Variants in ZFPM2 observed in about 807,000 individuals in gnomAD.
The protein encoded by ZFPM2 is zinc finger protein, FOG family member 2.
A neutral mutation model predicts 98.6 loss-of-function variants in ZFPM2; 20 were observed. That is an observed-to-expected ratio of 0.20 (90% CI 0.14 to 0.29). ZFPM2 has a LOEUF of 0.29. ZFPM2 is among the 10% of genes least tolerant of loss of function. ZFPM2 has a pLI of 1.00. For synonymous variants in ZFPM2, 518 were observed against 502.7 expected, an observed-to-expected ratio of 1.03 and a Z score of -0.41; for missense variants, 1,310 against 1,388.6, an observed-to-expected ratio of 0.94 and a Z score of 0.90.
chr8:105,581,409 A>T (rs1000717304), intron 4 of ZFPM2, among the ~76,000 whole-genome samples: 4 of 152,166 alleles, frequency 2.6e-5, no homozygotes, highest in African/African-American at 9.7e-5. Flanking sequence ...TATCATGAGG[A>T]TATACTAAAG....
intron 3 of ZFPM2, among the ~76,000 whole-genome samples, chr8:105,450,142 T>C (rs1812457180): frequency 6.6e-6 from 1 of 152,106 alleles, no homozygotes; most frequent in African/African-American, 2.4e-5. Flanking sequence ...AGTTGCTTTA[T>C]ACAGTTGCTG....
chr8:105,502,574 C>T (rs143518086), intron 3 of ZFPM2, among the ~76,000 whole-genome samples: 3 of 152,228 alleles, frequency 2.0e-5, no homozygotes, highest in African/African-American at 4.8e-5. Context: ...TAGAGCAAAT[C>T]GTCAAACAAT....
chr8:105,620,798 C>G lies in ZFPM2; in HGVS notation c.421-13448C>G, dbSNP rs112240887. On this transcript the variant is annotated intron_variant, in intron 4 of 7. Coordinates refer to ENST00000407775, the MANE Select transcript of ZFPM2 (RefSeq NM_012082.4). The stretch of plus-strand genomic sequence containing the variant: ...ATTTATTAAATAGGGAATCCTTTCC[C>G]CATTTCTTGTTTTTGTCAGGTTTGT... Among the ~76,000 whole-genome samples, 1,451 of 152,174 alleles carry G rather than the reference C, an allele frequency of 9.5e-3. 14 individuals are homozygous for G. Among genetic ancestry groups the G allele is most frequent in the Non-Finnish European group, 0.013 (851 of 67,996 alleles).
At chr8:105,563,957 T>A (rs1202521197) in intron 4 of ZFPM2, among the ~76,000 whole-genome samples, 1 of 152,126 alleles carries the variant, frequency 6.6e-6, no homozygotes, top group Non-Finnish European at 1.5e-5. Context: ...TTGATTAATC[T>A]TGCTATTACT....
intron 5 of ZFPM2, among the ~76,000 whole-genome samples, chr8:105,713,634 T>C (rs1217352284): frequency 6.6e-6 from 1 of 151,994 alleles, no homozygotes; most frequent in African/African-American, 2.4e-5. Flanking sequence ...CATCTTGAGT[T>C]AATTTTTGTA....
chr8:105,591,116 A>G (rs1012183507), intron 4 of ZFPM2, among the ~76,000 whole-genome samples: 6 of 152,280 alleles, frequency 3.9e-5, no homozygotes, highest in South Asian at 4.1e-4. Flanking sequence ...AGATAAAGAA[A>G]AAAAGTAAAT....
At chr8:105,489,283 G>A (rs540051868) in intron 3 of ZFPM2, among the ~76,000 whole-genome samples, 52 of 151,032 alleles carry the variant, frequency 3.4e-4, no homozygotes, top group African/African-American at 1.1e-3. Flanking sequence ...AATAATGTCG[G>A]TAATAAGATG....
intron 2 of ZFPM2, among the ~76,000 whole-genome samples, chr8:105,441,458 G>GA (rs1491512191): frequency 1.8e-5 from 1 of 56,338 alleles, no homozygotes; most frequent in Admixed American, 2.3e-4. Flanking sequence ...GAGAGAGAAA[G>GA]AAAGAAAGAA....
intron 5 of ZFPM2, among the ~76,000 whole-genome samples, chr8:105,695,783 A>G (rs548576818): frequency 3.0e-4 from 45 of 152,220 alleles, no homozygotes; most frequent in African/African-American, 1.0e-3. Flanking sequence ...ATATTTTTAC[A>G]TATTTAAGTC....
chr8:105,795,162 C>CGTCT (rs1813753465), intron 6 of ZFPM2, among the ~76,000 whole-genome samples: 1 of 152,042 alleles, frequency 6.6e-6, no homozygotes, highest in African/African-American at 2.4e-5. Context: ...AAAAATCACC[C>CGTCT]GTCTTCTGCG....
intron 1 of ZFPM2, among the ~76,000 whole-genome samples, chr8:105,374,747 A>G (rs533012793): frequency 2.6e-5 from 4 of 152,286 alleles, no homozygotes; most frequent in Admixed American, 6.5e-5. Flanking sequence ...AAGCATAGGA[A>G]CATAGGGCAG....
At chr8:105,463,921 A>T (rs1317285168) in intron 3 of ZFPM2, among the ~76,000 whole-genome samples, 3 of 152,096 alleles carry the variant, frequency 2.0e-5, no homozygotes, top group Non-Finnish European at 2.9e-5. Context: ...GAATGAGCTG[A>T]TAGCCATGAA....
intron 5 of ZFPM2, among the ~76,000 whole-genome samples, chr8:105,657,219 A>G (rs1455369105): frequency 1.3e-5 from 2 of 151,978 alleles, no homozygotes; most frequent in Admixed American, 6.6e-5. Flanking sequence ...GCTCACTGCA[A>G]CCTCTGTCTC....
chr8:105,322,876 A>C (rs1586291277), intron 1 of ZFPM2, among the ~76,000 whole-genome samples: 1 of 152,230 alleles, frequency 6.6e-6, no homozygotes, highest in African/African-American at 2.4e-5. Context: ...ATTTGAGATG[A>C]TATAACAATT....
At chr8:105,510,925 C>T (rs1813805164) in intron 3 of ZFPM2, among the ~76,000 whole-genome samples, 1 of 152,182 alleles carries the variant, frequency 6.6e-6, no homozygotes, top group Admixed American at 6.5e-5. Flanking sequence ...AAATTTTACC[C>T]TTTTCTTCGG....
chr8:105,517,707 C>CCACACACACACACACACACACACACACA (rs1554613621), intron 3 of ZFPM2, among the ~76,000 whole-genome samples: 2 of 124,890 alleles, frequency 1.6e-5, no homozygotes, highest in African/African-American at 3.3e-5. Flanking sequence ...CACACACACA[C>CCACACACACACACACACACACACACACA]CACACACACA....
At chr8:105,600,962 T>C (rs1816080011) in intron 4 of ZFPM2, among the ~76,000 whole-genome samples, 1 of 152,128 alleles carries the variant, frequency 6.6e-6, no homozygotes, top group African/African-American at 2.4e-5. Context: ...AGTCTTATAT[T>C]TTGTTGTGCA....
At chr8:105,775,615 G>A (rs1047131748) in intron 5 of ZFPM2, among the ~76,000 whole-genome samples, 9 of 152,132 alleles carry the variant, frequency 5.9e-5, no homozygotes, top group Admixed American at 2.0e-4. Flanking sequence ...AGAGTCTTAA[G>A]CAGCTTTGTA....
chr8:105,496,853 A>C, intron 3 of ZFPM2, among the ~76,000 whole-genome samples: 1 of 149,722 alleles, frequency 6.7e-6, no homozygotes, highest in Admixed American at 6.6e-5. Flanking sequence ...GTGGTGGCGC[A>C]TGACTGTAAT....
Sources: gnomAD v4.1 joint callset for allele counts (sites outside exome capture counted in the v4.1 genomes callset) on GRCh38, gnomAD v4.1.1 for gene constraint, MANE v1.5 for transcripts, NCBI Gene and HGNC (gene_info 2026-07-23, HGNC 2026-07-21) for gene names.